CKAP2L: variants seen among roughly 807,000 people sequenced by gnomAD.
CKAP2L encodes the protein cytoskeleton-associated protein 2-like.
Under a neutral mutation model 65.7 loss-of-function variants are expected in CKAP2L, and 42 were observed. The observed-to-expected ratio is 0.64, with a 90% CI of 0.50 to 0.83. CKAP2L has a LOEUF of 0.83. Among genes scored for constraint, CKAP2L ranks in the 40% least tolerant of loss-of-function variants. The probability of loss-of-function intolerance (pLI) is 0.00; values close to 1 mark genes in which losing one functional copy is unlikely to be tolerated. For synonymous variants in CKAP2L, 325 were observed against 313.5 expected, an observed-to-expected ratio of 1.04 and a Z score of -0.39; for missense variants, 908 against 871.0, an observed-to-expected ratio of 1.04 and a Z score of -0.53.
chr2:112,737,377 C>A lies in CKAP2L; in HGVS notation c.*1446G>T, dbSNP rs1679355385. The A allele has an allele frequency of 6.6e-6, 1 of 152,200 alleles. No homozygotes were observed. The highest frequency in any genetic ancestry group is 2.1e-4 in the South Asian group (1 of 4,830). 9.4% of individuals were successfully genotyped at this position (152,200 alleles called of 1,614,324 possible). A position where few individuals can be genotyped will look rare whatever the true frequency, so the allele number is the denominator to read the frequency against. ...ACTAGGGTTCTCTTTTCTCCACAAT[C>A]TCATCAACATTTATCTCATGTCTTG... On this transcript the variant is annotated 3_prime_UTR_variant, in exon 9 of 9. Transcript: ENST00000302450.
Position 112,742,367 on chromosome 2 carries a change from T to G in CKAP2L, c.1822+339A>C, listed in dbSNP as rs746182357. The stretch of plus-strand genomic sequence containing the variant: ...TAGATGAGTATGTTGGTGGGTTTAT[T>G]ATGATTAAACATGTAACTTAAGGCA... On this transcript the variant is annotated intron_variant, in intron 7 of 8. Transcript: ENST00000302450. The G allele has an allele frequency of 4.2e-6, 3 of 717,376 alleles. No homozygotes were observed. The South Asian group carries it at 4.4e-5, about 11-fold the overall frequency. 44.4% of individuals were successfully genotyped at this position (717,376 alleles called of 1,614,324 possible).
At chr2:112,757,884 T>C (rs1680593590) in intron 3 of CKAP2L, among the ~76,000 whole-genome samples, 1 of 152,222 alleles carries the variant, frequency 6.6e-6, no homozygotes, top group Non-Finnish European at 1.5e-5. Context: ...ACATACATAA[T>C]GAACTTATGT....
At chr2:112,746,608 T>C (rs771484239) in intron 5 of CKAP2L, 33 bp from the exon 6 acceptor site, 1 of 1,512,120 alleles carries the variant, frequency 6.6e-7, no homozygotes, top group Non-Finnish European at 9.1e-7. Context: ...GAGGTAATTA[T>C]TACCATTTCA....
chr2:112,748,400 G>A (rs988154163), intron 5 of CKAP2L, among the ~76,000 whole-genome samples: 3 of 152,070 alleles, frequency 2.0e-5, no homozygotes, highest in African/African-American at 7.2e-5. Context: ...ATTTTTCCAG[G>A]GAAAACAAGC....
chr2:112,742,516 G>A, intron 7 of CKAP2L, 190 bp downstream of exon 7: 1 of 717,950 alleles, frequency 1.4e-6, no homozygotes. Context: ...GTTCAGTATT[G>A]AGTAGTGCAT....
intron 7 of CKAP2L, 118 bp from the exon 8 acceptor site, chr2:112,741,125 A>T: frequency 1.4e-6 from 1 of 708,386 alleles, no homozygotes; most frequent in South Asian, 1.8e-5. Context: ...CATGGGCTCC[A>T]CATACTGAAT....
chr2:112,740,617 G>C (rs562994859), intron 8 of CKAP2L, among the ~76,000 whole-genome samples: 14 of 152,282 alleles, frequency 9.2e-5, no homozygotes, highest in African/African-American at 3.4e-4. Flanking sequence ...GATAGGATCT[G>C]CAAGTGCAGG....
chr2:112,759,272 A>G (rs1002060432), intron 3 of CKAP2L, among the ~76,000 whole-genome samples: 3 of 152,200 alleles, frequency 2.0e-5, no homozygotes, highest in African/African-American at 7.2e-5. Flanking sequence ...ACATTAAAGC[A>G]TATGGCCAAC....
At chr2:112,754,476 C>A (rs996809811) in intron 4 of CKAP2L, among the ~76,000 whole-genome samples, 3 of 152,206 alleles carry the variant, frequency 2.0e-5, no homozygotes, top group African/African-American at 4.8e-5. Flanking sequence ...TCCTTCTAAT[C>A]ATAAACGAAG....
rs1326470514 is a variant in CKAP2L at position 112,756,055 on chromosome 2, G to C, written c.1316C>G (p.Thr439Ser). 5 of 1,613,834 alleles carry C rather than the reference G, an allele frequency of 3.1e-6. No individual in the cohort carries two copies. Among genetic ancestry groups the C allele is most frequent in the East Asian group, 2.2e-5 (1 of 44,886 alleles). The change falls in exon 4 of 9, where the codon ACT becomes AGT. Residue 439 changes from threonine to serine, a missense_variant. By Grantham distance (58) the Thr-to-Ser change is moderately conservative. Transcript: ENST00000302450. ...NHFLNKTAPK[T>S]QADVTTVNGT... ...ATTTACGGTTGTGACATCAGCTTGA[G>C]TTTTGGGAGCTGTCTTGTTCAGAAA...
chr2:112,764,588 G>C lies in CKAP2L; in HGVS notation c.11C>G (p.Pro4Arg), dbSNP rs1369774222. Residue 4 changes from proline to arginine, a missense_variant, in exon 1 of 9, where the codon CCC (proline) becomes CGC (arginine). Pro to Arg is a moderately radical substitution (Grantham distance 103, BLOSUM62 -2). Coordinates refer to ENST00000302450, the MANE Select transcript of CKAP2L (RefSeq NM_152515.5). ...GACAGCGGCAGCAGCGGTAGGCCCGGGCCCCACCATGACTCTTCAGTGACA... is the reference window on the plus strand; with the variant it reads ...GACAGCGGCAGCAGCGGTAGGCCCGCGCCCCACCATGACTCTTCAGTGACA... Reference protein sequence around the residue: MVGPGPTAAAAVEE... With the variant: MVGRGPTAAAAVEE... The C allele has an allele frequency of 2.5e-6, 4 of 1,614,182 alleles. No individual in the cohort carries two copies. Among genetic ancestry groups the C allele is most frequent in the Admixed American group, 1.7e-5 (1 of 60,034 alleles).
chr2:112,746,258 G>A (rs745877215), intron 6 of CKAP2L, among the ~76,000 whole-genome samples, 162 bp downstream of exon 6: 2 of 152,092 alleles, frequency 1.3e-5, no homozygotes, highest in Admixed American at 6.5e-5. Flanking sequence ...GGATGCTGAC[G>A]TATTGGGTTT....
intron 4 of CKAP2L, among the ~76,000 whole-genome samples, chr2:112,755,344 T>G (rs1680497418): frequency 6.6e-6 from 1 of 152,200 alleles, no homozygotes; most frequent in Admixed American, 6.5e-5. Context: ...TTCTCCATGT[T>G]GGTCAGGCTG....
chr2:112,751,605 A>G (rs1256958730), intron 5 of CKAP2L, among the ~76,000 whole-genome samples: 2 of 152,256 alleles, frequency 1.3e-5, no homozygotes, highest in African/African-American at 4.8e-5. Flanking sequence ...GGATGTTGTG[A>G]AAATGTTGCC....
rs1461043961 is a variant in CKAP2L, at chr2:112,760,784, A to G, written c.105-20T>C. 5 of 1,336,698 alleles carry G rather than the reference A, an allele frequency of 3.7e-6. No individual in the cohort carries two copies. The highest frequency in any genetic ancestry group is 4.2e-6 in the Non-Finnish European group (4 of 946,420). The allele number at this position is 1,336,698 out of a possible 1,614,324, so 82.8% of individuals were successfully genotyped here. ...TAAGGCCTATAAAAGACAAATTAAA[A>G]TTAATCCTCAGCACAGAAGGATTCT... is the stretch of plus-strand genomic sequence containing the variant. On this transcript the variant is annotated intron_variant, in intron 2 of 8. Transcript: ENST00000302450.
chr2:112,741,875 C>T (rs1679990651), intron 7 of CKAP2L, among the ~76,000 whole-genome samples: 1 of 151,622 alleles, frequency 6.6e-6, no homozygotes, highest in Admixed American at 6.6e-5. Flanking sequence ...ATTCTCCTGC[C>T]TCAGCCTCCT....
intron 6 of CKAP2L, among the ~76,000 whole-genome samples, chr2:112,745,967 G>C (rs1680187797): frequency 6.6e-6 from 1 of 152,154 alleles, no homozygotes; most frequent in Non-Finnish European, 1.5e-5. Context: ...TTTGCTCTAG[G>C]AAGGGGAAAA....
chr2:112,755,461 C>G (rs1680500874), intron 4 of CKAP2L, among the ~76,000 whole-genome samples: 1 of 152,120 alleles, frequency 6.6e-6, no homozygotes, highest in Admixed American at 6.5e-5. Context: ...TTTCTACCAT[C>G]TGAACTCTGT....
intron 2 of CKAP2L, among the ~76,000 whole-genome samples, 172 bp from the exon 3 acceptor site, chr2:112,760,936 T>C (rs1436847160): frequency 6.6e-6 from 1 of 152,144 alleles, no homozygotes; most frequent in Non-Finnish European, 1.5e-5. Context: ...TTTCTTTAGT[T>C]CTGTATCCTC....
Sources: allele counts gnomAD v4.1 joint callset (sites outside exome capture counted in the v4.1 genomes callset), GRCh38; gene constraint gnomAD v4.1.1; transcripts MANE v1.5; gene names NCBI Gene and HGNC (gene_info 2026-07-23, HGNC 2026-07-21).